Variants in MTFR1 observed in about 807,000 individuals in gnomAD.
MTFR1 encodes the protein mitochondrial fission regulator 1.
MTFR1 carries 28 observed loss-of-function variants against 38.8 expected under a neutral mutation model. The observed-to-expected ratio is 0.72, with a 90% CI of 0.53 to 0.99. The LOEUF is 0.99. MTFR1 is among the 50% of genes least tolerant of loss of function. The probability of loss-of-function intolerance (pLI) is 0.00; values close to 1 mark genes in which losing one functional copy is unlikely to be tolerated. For synonymous variants in MTFR1, 145 were observed against 137.0 expected (o/e 1.06, Z -0.41); for missense variants, 358 against 395.5 (o/e 0.91, Z 0.81).
At chr8:65,754,950 C>T (rs527618421) in intron 3 of MTFR1, among the ~76,000 whole-genome samples, 14 of 150,188 alleles carry the variant, frequency 9.3e-5, no homozygotes, top group African/African-American at 2.7e-4. Context: ...GGCGACAGAG[C>T]GAGACTCCCT....
At chr8:65,711,482 A>T (rs1344739180), downstream of MTFR1, among the ~76,000 whole-genome samples, 1 of 152,168 alleles carries the variant, frequency 6.6e-6, no homozygotes, top group Non-Finnish European at 1.5e-5. Context: ...CGCCCAACAA[A>T]GTCAGCGCTG....
chr8:65,777,853 A>G, the MTFR1 span, among the ~76,000 whole-genome samples: 1 of 152,098 alleles, frequency 6.6e-6, no homozygotes, highest in Non-Finnish European at 1.5e-5. Flanking sequence ...TTTCATAGTT[A>G]TACTCTGGTA....
intron 3 of MTFR1, among the ~76,000 whole-genome samples, chr8:65,686,463 T>A (rs137989696): frequency 6.6e-6 from 1 of 150,766 alleles, no homozygotes; most frequent in African/African-American, 2.4e-5. Context: ...TCCCAGCTAC[T>A]CAGGAAGCTG....
chr8:65,669,114 T>C (rs532173165), intron 1 of MTFR1, among the ~76,000 whole-genome samples: 78 of 152,350 alleles, frequency 5.1e-4, no homozygotes, highest in South Asian at 3.3e-3. Context: ...AAGCTTAACC[T>C]GCTTGTTACA....
At chr8:65,673,088 T>C (rs142129783) in intron 2 of MTFR1, among the ~76,000 whole-genome samples, 19 of 152,320 alleles carry the variant, frequency 1.2e-4, no homozygotes, top group African/African-American at 4.3e-4. Context: ...GAACATGCCT[T>C]CTTCACTAAG....
chr8:65,747,754 T>C (rs1383856160), intron 3 of MTFR1: 5 of 1,609,204 alleles, frequency 3.1e-6, no homozygotes, highest in Non-Finnish European at 8.5e-7. Context: ...GGAAACTTAG[T>C]AGCCTTCTGA....
chr8:65,714,744 T>G (rs577075044), downstream of MTFR1: 9 of 152,274 alleles, frequency 5.9e-5, no homozygotes, highest in Non-Finnish European at 1.2e-4. Context: ...TGGAAATACC[T>G]GATGTGAGAG....
At chr8:65,651,370 T>C (rs980536657) in intron 1 of MTFR1, among the ~76,000 whole-genome samples, 1 of 152,246 alleles carries the variant, frequency 6.6e-6, no homozygotes, top group African/African-American at 2.4e-5. Flanking sequence ...CAAGAAATCA[T>C]TGCCCAGACC....
At chr8:65,659,004 A>G (rs1469153604) in intron 1 of MTFR1, among the ~76,000 whole-genome samples, 1 of 152,138 alleles carries the variant, frequency 6.6e-6, no homozygotes, top group Non-Finnish European at 1.5e-5. Flanking sequence ...CGGGGAGGGA[A>G]GTAAGCCAGG....
intron 1 of MTFR1, among the ~76,000 whole-genome samples, chr8:65,654,660 C>T (rs1533286): frequency 5.3e-5 from 8 of 152,142 alleles, no homozygotes; most frequent in African/African-American, 1.9e-4. Flanking sequence ...TCATTGTAAC[C>T]TCAAATTCCT....
intron 1 of MTFR1, among the ~76,000 whole-genome samples, chr8:65,668,446 C>CCAAAATG (rs1232446780): frequency 6.6e-6 from 1 of 151,278 alleles, no homozygotes; most frequent in African/African-American, 2.4e-5. Context: ...CCTCAGCCCC[C>CCAAAATG]CAAAATGCTG....
chr8:65,777,992 G>C, the MTFR1 span, among the ~76,000 whole-genome samples: 8 of 152,100 alleles, frequency 5.3e-5, no homozygotes, highest in African/African-American at 1.7e-4. Flanking sequence ...GACTGCTCCT[G>C]CTACATTTTT....
At chr8:65,732,957 G>A (rs767008709) in intron 3 of MTFR1, among the ~76,000 whole-genome samples, 5 of 151,980 alleles carry the variant, frequency 3.3e-5, no homozygotes, top group Non-Finnish European at 7.4e-5. Context: ...CAAGCCATCC[G>A]CCTCAGCCTC....
chr8:65,777,299 G>A, the MTFR1 span, among the ~76,000 whole-genome samples: 2 of 151,774 alleles, frequency 1.3e-5, no homozygotes, highest in African/African-American at 4.8e-5. Flanking sequence ...GGCTGGTCTC[G>A]AACTCCCGAC....
intron 1 of MTFR1, among the ~76,000 whole-genome samples, chr8:65,662,907 G>C (rs1002922921): frequency 6.6e-6 from 1 of 150,404 alleles, no homozygotes; most frequent in Admixed American, 6.6e-5. Context: ...GGAGGGAGGT[G>C]GGGGGGTCAG....
intron 2 of MTFR1, chr8:65,719,207 A>C: frequency 1.1e-6 from 1 of 883,596 alleles, no homozygotes; most frequent in Non-Finnish European, 1.9e-6. Flanking sequence ...TTGGCAGTCA[A>C]GAGTTAAGTT....
At chr8:65,677,511 T>G (rs1281229164) in intron 2 of MTFR1, among the ~76,000 whole-genome samples, 1 of 150,364 alleles carries the variant, frequency 6.7e-6, no homozygotes, top group African/African-American at 2.4e-5. Flanking sequence ...GCCTCCTGAG[T>G]AGCTGGGATT....
intron 3 of MTFR1, among the ~76,000 whole-genome samples, chr8:65,755,518 C>T (rs1210818211): frequency 6.6e-6 from 1 of 152,174 alleles, no homozygotes; most frequent in Admixed American, 6.5e-5. Flanking sequence ...AAACACTGCT[C>T]GTATGCATCT....
intron 1 of MTFR1, among the ~76,000 whole-genome samples, chr8:65,646,865 C>T (rs1212975263): frequency 5.3e-5 from 8 of 152,142 alleles, no homozygotes; most frequent in African/African-American, 1.9e-4. Context: ...ACTACTAAGA[C>T]AACATCTTCA....
Sources: allele counts gnomAD v4.1 joint callset (sites outside exome capture counted in the v4.1 genomes callset), GRCh38; gene constraint gnomAD v4.1.1; transcripts MANE v1.5; gene names NCBI Gene and HGNC (gene_info 2026-07-23, HGNC 2026-07-21).